QSER1: variants seen among roughly 807,000 people sequenced by gnomAD.
QSER1 encodes glutamine and serine rich 1, also known as glutamine and serine-rich protein 1.
In QSER1, 49 loss-of-function variants were observed where a neutral mutation model predicts 158.5. That is an observed-to-expected ratio of 0.31 (90% CI 0.25 to 0.39). The LOEUF is 0.39. QSER1 is among the 10% of genes least tolerant of loss of function. The pLI, the probability that QSER1 is intolerant of heterozygous loss-of-function variation, is 1.00. For synonymous variants in QSER1, 650 were observed against 715.5 expected (o/e 0.91, Z 1.46); for missense variants, 1,754 against 2,010.3 (o/e 0.87, Z 2.44).
chr11:32,908,779 T>C (rs1007952996), intron 1 of QSER1, among the ~76,000 whole-genome samples: 4 of 152,084 alleles, frequency 2.6e-5, no homozygotes, highest in Non-Finnish European at 5.9e-5. Context: ...TATCTGGGAG[T>C]GGAACTGTTG....
intron 2 of QSER1, among the ~76,000 whole-genome samples, chr11:32,927,699 G>A (rs965557858): frequency 6.6e-6 from 1 of 152,084 alleles, no homozygotes; most frequent in Non-Finnish European, 1.5e-5. Context: ...GAGCCGCCAC[G>A]CCCGACCAAA....
At chr11:32,950,048 C>G (rs1852396998) in intron 4 of QSER1, among the ~76,000 whole-genome samples, 1 of 152,140 alleles carries the variant, frequency 6.6e-6, no homozygotes, top group Admixed American at 6.5e-5. Flanking sequence ...GGTCAAACAC[C>G]CCTTCTGCCT....
chr11:32,943,599 G>A (rs1205240499), intron 4 of QSER1, among the ~76,000 whole-genome samples: 5 of 150,510 alleles, frequency 3.3e-5, no homozygotes, highest in Non-Finnish European at 7.4e-5. Context: ...TGATCATGGT[G>A]GATAAGCTTT....
chr11:32,941,365 C>T (rs972182032), intron 4 of QSER1, among the ~76,000 whole-genome samples: 3 of 142,440 alleles, frequency 2.1e-5, no homozygotes, highest in Admixed American at 7.1e-5. Context: ...GTATATCTCC[C>T]AATGCTATCC....
chr11:32,942,908 T>C (rs1233049628), intron 4 of QSER1, among the ~76,000 whole-genome samples: 1 of 152,212 alleles, frequency 6.6e-6, no homozygotes, highest in Admixed American at 6.5e-5. Context: ...TTTTATTTCA[T>C]TGAGCAGCGG....
Position 32,976,627 on chromosome 11 carries a change from C to A in QSER1, c.*153C>A. The A allele has an allele frequency of 1.3e-6, 1 of 789,186 alleles. No individual in the cohort carries two copies. Among genetic ancestry groups the A allele is most frequent in the Non-Finnish European group, 2.0e-6 (1 of 494,404 alleles). 48.9% of individuals were successfully genotyped at this position (789,186 alleles called of 1,614,324 possible). ...CCACCTCTGCTGAAGGACAGTGGTGCGGCCTTTAGGAACGAAGTTAGTCCT... is the reference window on the plus strand; with the variant it reads ...CCACCTCTGCTGAAGGACAGTGGTGAGGCCTTTAGGAACGAAGTTAGTCCT... On this transcript the variant is annotated 3_prime_UTR_variant, in exon 13 of 13. Transcript: ENST00000650167.
intron 9 of QSER1, among the ~76,000 whole-genome samples, chr11:32,968,077 T>A (rs1047985964): frequency 3.9e-5 from 6 of 152,214 alleles, no homozygotes; most frequent in Non-Finnish European, 4.4e-5. Flanking sequence ...GAAAGATTTT[T>A]AAAAATTGCT....
chr11:32,917,687 G>C (rs1258125025), intron 1 of QSER1, among the ~76,000 whole-genome samples: 2 of 151,896 alleles, frequency 1.3e-5, no homozygotes, highest in Admixed American at 1.3e-4. Context: ...CTAACTGGGC[G>C]TGGTGGCACC....
chr11:32,955,771 T>C (rs371079939), intron 6 of QSER1, among the ~76,000 whole-genome samples: 1 of 152,304 alleles, frequency 6.6e-6, no homozygotes, highest in East Asian at 1.9e-4. Flanking sequence ...TCTGTCATAC[T>C]TAATGTAGCT....
At chr11:32,951,804 T>C (rs1852426293) in intron 4 of QSER1, among the ~76,000 whole-genome samples, 1 of 151,926 alleles carries the variant, frequency 6.6e-6, no homozygotes, top group Admixed American at 6.6e-5. Context: ...AACTCATTTT[T>C]TAGTTCTAAT....
intron 8 of QSER1, among the ~76,000 whole-genome samples, chr11:32,964,735 T>TACACACACACAC (rs1176079108): frequency 3.4e-5 from 4 of 116,656 alleles, no homozygotes; most frequent in Non-Finnish European, 7.2e-5. Context: ...TATATATATA[T>TACACACACACAC]ATATACACAC....
Position 32,934,533 on chromosome 11 carries a change from T to G in QSER1, c.3275T>G (p.Val1092Gly). ...CCAACTAAAGTAACTTCAGCAGTGG[T>G]TGGACCAAGTCATGAAGTCCAGGAG... The part of the protein sequence containing the change: ...NIPTKVTSAV[V>G]GPSHEVQEQS... Residue 1092 changes from valine to glycine, a missense_variant, in exon 4 of 13, where the codon GTT (valine) becomes GGT (glycine). Physicochemically the swap from Val to Gly is moderately radical, Grantham distance 109. This residue lies in a region of QSER1 where 1,707 missense variants were observed against 1,919.6 expected (regional missense o/e 0.89). Transcript: ENST00000650167. 6.2e-7 allele frequency: 1 copy of G among 1,613,580 alleles called. No homozygotes were observed. Among genetic ancestry groups the G allele is most frequent in the Non-Finnish European group, 8.5e-7 (1 of 1,179,980 alleles).
At chr11:32,908,537 ATCT>A (rs542857681) in intron 1 of QSER1, among the ~76,000 whole-genome samples, 176 of 152,324 alleles carry the variant, frequency 1.2e-3, no homozygotes, top group Non-Finnish European at 1.8e-3. Context: ...GAAAACAAAC[ATCT>A]TCTGTTTAAC....
rs1029835175 is a variant in QSER1 at position 32,893,830 on chromosome 11, C to T, written c.209+496C>T. Among the ~76,000 whole-genome samples, 1 of 152,014 alleles carries T rather than the reference C, an allele frequency of 6.6e-6. No homozygotes were observed. The highest frequency in any genetic ancestry group is 6.6e-5 in the Admixed American group (1 of 15,262). On this transcript the variant is annotated intron_variant, in intron 1 of 12. Coordinates refer to ENST00000650167, the MANE Select transcript of QSER1 (RefSeq NM_001076786.3). This position sits in a 1 kb window ranked among gnomAD's most constrained non-coding sequence, Gnocchi z 4.7. ...CCGCGTCCCGGAGACACTGGGGGGC[C>T]CGGGAGGGCTGGGCTACGGGAGAAT...
At chr11:32,921,702 C>T (rs1851901673) in intron 1 of QSER1, among the ~76,000 whole-genome samples, 1 of 152,104 alleles carries the variant, frequency 6.6e-6, no homozygotes, top group Non-Finnish European at 1.5e-5. Context: ...TATAGTTTTT[C>T]CCAAATTGAT....
chr11:32,956,637 G>A (rs555795568), intron 7 of QSER1, among the ~76,000 whole-genome samples: 2 of 152,308 alleles, frequency 1.3e-5, no homozygotes, highest in South Asian at 2.1e-4. Context: ...TGGTCTGCAT[G>A]AGAAGCAGGT....
chr11:32,895,973 A>G (rs554970989), intron 1 of QSER1, among the ~76,000 whole-genome samples: 1 of 152,346 alleles, frequency 6.6e-6, no homozygotes, highest in South Asian at 2.1e-4. Flanking sequence ...AGATTTTTGA[A>G]TATTTCTCAG....
chr11:32,956,762 C>T (rs1366904004), intron 7 of QSER1, among the ~76,000 whole-genome samples: 1 of 152,188 alleles, frequency 6.6e-6, no homozygotes, highest in East Asian at 1.9e-4. Context: ...CTCAAATCTT[C>T]AGACCTGGAA....
In QSER1 at chr11:32,934,471, T is replaced by G; in HGVS notation, c.3213T>G (p.Leu1071=). ...PVPALQSKMT[L]DQQHIETPGQ... is the part of the protein sequence containing the mutation. The stretch of plus-strand genomic sequence containing the variant: ...CTGCCCTTCAGTCAAAAATGACTCT[T>G]GATCAACAGCACATTGAAACACCTG... The change falls in exon 4 of 13, where the codon CTT becomes CTG. Residue 1071 remains leucine (L), a synonymous_variant. Coordinates refer to ENST00000650167, the MANE Select transcript of QSER1 (RefSeq NM_001076786.3). The G allele has an allele frequency of 6.2e-7, 1 of 1,613,756 alleles. No individual in the cohort carries two copies. The highest frequency in any genetic ancestry group is 1.1e-5 in the South Asian group (1 of 91,082).
Sources: allele counts gnomAD v4.1 joint callset (sites outside exome capture counted in the v4.1 genomes callset), GRCh38; gene constraint gnomAD v4.1.1; regional missense constraint gnomAD v4.1.1; non-coding constraint Gnocchi (gnomAD v3.1); transcripts MANE v1.5; gene names NCBI Gene and HGNC (gene_info 2026-07-23, HGNC 2026-07-21).